PCBP3: variants seen among roughly 807,000 people sequenced by gnomAD.
PCBP3 encodes the protein poly(rC)-binding protein 3.
PCBP3 carries 25 observed loss-of-function variants against 52.7 expected under a neutral mutation model. The ratio of observed to expected loss-of-function variants is 0.47; its 90% CI spans 0.35 to 0.66. The LOEUF (loss-of-function observed/expected upper bound fraction) is 0.66. Among genes scored for constraint, PCBP3 ranks in the 30% least tolerant of loss-of-function variants. PCBP3 has a pLI of 0.01. For missense variants in PCBP3, 391 were observed against 490.3 expected (o/e 0.80, Z 1.91); for synonymous variants, 162 against 183.0 (o/e 0.89, Z 0.93).
At chr21:45,849,510 A>G (rs1256716161) in intron 4 of PCBP3, among the ~76,000 whole-genome samples, 2 of 152,034 alleles carry the variant, frequency 1.3e-5, no homozygotes, top group Non-Finnish European at 2.9e-5. Flanking sequence ...CCAACCTCAA[A>G]TGTGCCTTTT....
intron 2 of PCBP3, among the ~76,000 whole-genome samples, chr21:45,714,785 C>G (rs2084096679): frequency 6.6e-6 from 1 of 152,158 alleles, no homozygotes; most frequent in African/African-American, 2.4e-5. Context: ...GGACCTTGCT[C>G]TTGGGAGTGC....
At chr21:45,870,250 A>G (rs1603459479) in intron 5 of PCBP3, among the ~76,000 whole-genome samples, 1 of 152,038 alleles carries the variant, frequency 6.6e-6, no homozygotes, top group East Asian at 1.9e-4. Flanking sequence ...GCTTTAGCTT[A>G]TATCTTTTTT....
chr21:45,759,203 CT>C (rs2088372984), intron 4 of PCBP3, among the ~76,000 whole-genome samples: 1 of 152,038 alleles, frequency 6.6e-6, no homozygotes, highest in African/African-American at 2.4e-5. Flanking sequence ...GGATTTCCTC[CT>C]TTTCTGTTTT....
At chr21:45,700,502 CT>C (rs1569130569) in intron 2 of PCBP3, among the ~76,000 whole-genome samples, 1 of 152,206 alleles carries the variant, frequency 6.6e-6, no homozygotes, top group Admixed American at 6.5e-5. Context: ...ACAGCACCCC[CT>C]GTACTGTGAT....
rs2092267666 is a variant in PCBP3 at position 45,800,760 on chromosome 21, G to A, written c.-126+45308G>A. ...TAGGCCACAGCCCGGGAGGGAGGATGTCTTTCCCTGACCTCGTTTGTGTGG... is the reference window on the plus strand; with the variant it reads ...TAGGCCACAGCCCGGGAGGGAGGATATCTTTCCCTGACCTCGTTTGTGTGG... On this transcript the variant is annotated intron_variant, in intron 4 of 17. Transcript: ENST00000681687. This position sits in a 1 kb window ranked among gnomAD's most constrained non-coding sequence, Gnocchi z 5.3. Among the ~76,000 whole-genome samples, 2 of 152,224 alleles carry A rather than the reference G, an allele frequency of 1.3e-5. No individual in the cohort carries two copies. The highest frequency in any genetic ancestry group is 4.8e-5 in the African/African-American group (2 of 41,462).
intron 1 of PCBP3, among the ~76,000 whole-genome samples, chr21:45,644,414 G>T (rs1447179749): frequency 6.6e-6 from 1 of 151,988 alleles, no homozygotes; most frequent in Non-Finnish European, 1.5e-5. Context: ...CTTGTTGCTC[G>T]CTGTGTTTTA....
rs1368972750 is a variant in PCBP3 at position 45,904,596 on chromosome 21, A to G, written c.339+3483A>G. 6.6e-6 allele frequency among the ~76,000 whole-genome samples: 1 copy of G among 152,208 alleles called. No homozygotes were observed. Among genetic ancestry groups the G allele is most frequent in the Non-Finnish European group, 1.5e-5 (1 of 68,044 alleles). ...GTATTTCTCAATCACTTCATGTAAA[A>G]GTTGGTATGCTTCAGGTTGGAAATG... On this transcript the variant is annotated intron_variant, in intron 9 of 17. Transcript: ENST00000681687. The surrounding 1 kb of genome is among the most constrained non-coding windows in gnomAD (Gnocchi z 4.8).
At chr21:45,876,689 C>T (rs948895695) in intron 5 of PCBP3, among the ~76,000 whole-genome samples, 5 of 152,220 alleles carry the variant, frequency 3.3e-5, no homozygotes, top group African/African-American at 1.2e-4. Flanking sequence ...CTGTCATTTC[C>T]GCCGTCCTGG....
At chr21:45,876,450 C>T (rs1318723008) in intron 5 of PCBP3, among the ~76,000 whole-genome samples, 2 of 152,086 alleles carry the variant, frequency 1.3e-5, no homozygotes, top group Non-Finnish European at 2.9e-5. Flanking sequence ...GGAAGGTGAG[C>T]GGTCACTGTT....
chr21:45,815,477 ATGGG>A (rs2092889115), intron 4 of PCBP3, among the ~76,000 whole-genome samples: 1 of 87,964 alleles, frequency 1.1e-5, no homozygotes, highest in Admixed American at 1.2e-4. Flanking sequence ...GTGATGAGTG[ATGGG>A]TGAGTGGTGA....
chr21:45,925,701 A>G (rs1439970084), intron 13 of PCBP3, among the ~76,000 whole-genome samples: 2 of 152,240 alleles, frequency 1.3e-5, no homozygotes, highest in African/African-American at 2.4e-5. Flanking sequence ...AGTAGGGGGA[A>G]AAAAACAAGA....
chr21:45,892,331 A>G (rs1242659356), intron 5 of PCBP3, among the ~76,000 whole-genome samples: 1 of 152,220 alleles, frequency 6.6e-6, no homozygotes, highest in Non-Finnish European at 1.5e-5. Flanking sequence ...CTAAGAAGGC[A>G]GGAGGTTTCT....
intron 4 of PCBP3, among the ~76,000 whole-genome samples, chr21:45,765,593 A>T (rs952016843): frequency 6.6e-6 from 1 of 152,166 alleles, no homozygotes; most frequent in African/African-American, 2.4e-5. Context: ...GGACAGTGCC[A>T]TGCTGGTCCT....
intron 4 of PCBP3, among the ~76,000 whole-genome samples, chr21:45,807,612 A>G (rs568650454): frequency 6.6e-6 from 1 of 152,318 alleles, no homozygotes; most frequent in African/African-American, 2.4e-5. Flanking sequence ...ATACTGCCCA[A>G]AGTAATTTAT....
At chr21:45,874,022 T>G (rs1037366646) in intron 5 of PCBP3, among the ~76,000 whole-genome samples, 1 of 152,050 alleles carries the variant, frequency 6.6e-6, no homozygotes, top group South Asian at 2.1e-4. Flanking sequence ...AGTGCTGGGA[T>G]CACAGGCGTG....
At chr21:45,869,749 G>A (rs868471389) in intron 5 of PCBP3, among the ~76,000 whole-genome samples, 4 of 152,208 alleles carry the variant, frequency 2.6e-5, no homozygotes, top group Non-Finnish European at 4.4e-5. Flanking sequence ...GGGCCCCAGG[G>A]CCTGTCCCCT....
intron 13 of PCBP3, chr21:45,919,347 G>C (rs1317841585): frequency 6.6e-6 from 1 of 152,286 alleles, no homozygotes; most frequent in Non-Finnish European, 1.5e-5. Context: ...AGGTGAGCGG[G>C]CTGCTCCAGA....
chr21:45,769,679 T>G (rs983934961), intron 4 of PCBP3, among the ~76,000 whole-genome samples: 1 of 152,224 alleles, frequency 6.6e-6, no homozygotes, highest in Non-Finnish European at 1.5e-5. Context: ...AGGTTCTCTC[T>G]GGGGTCCTAA....
chr21:45,859,127 C>T (rs1168203574), intron 5 of PCBP3: 1 of 153,034 alleles, frequency 6.5e-6, no homozygotes, highest in African/African-American at 2.4e-5. Flanking sequence ...CCAGCCTTGT[C>T]TGCTGCCACC....
Sources: allele counts gnomAD v4.1 joint callset (sites outside exome capture counted in the v4.1 genomes callset), GRCh38; gene constraint gnomAD v4.1.1; non-coding constraint Gnocchi (gnomAD v3.1); transcripts MANE v1.5; gene names NCBI Gene and HGNC (gene_info 2026-07-23, HGNC 2026-07-21).